The following CIITA variants were observed in gnomAD, a reference collection of about 807,000 sequenced individuals.
The protein encoded by CIITA is class II major histocompatibility complex transactivator, also known as MHC class II transactivator.
Under a neutral mutation model 115.1 loss-of-function variants are expected in CIITA, and 72 were observed. The observed-to-expected ratio is 0.63, with a 90% confidence interval of 0.52 to 0.76. CIITA has a LOEUF of 0.76. Ranked by LOEUF, CIITA falls within the 30% of genes least tolerant of loss-of-function variation. The pLI is 0.00. For synonymous variants in CIITA, 763 were observed against 635.6 expected (o/e 1.20, Z -3.02); for missense variants, 1,617 against 1,463.8 (o/e 1.10, Z -1.71).
intron 3 of CIITA, 36 bp downstream of exon 3, chr16:10,895,800 A>T: frequency 6.2e-7 from 1 of 1,600,598 alleles, no homozygotes; most frequent in Non-Finnish European, 8.6e-7. Flanking sequence ...AGGACAATCA[A>T]GGGCAAGAGT....
chr16:10,921,708 C>T (rs917820261), intron 16 of CIITA, among the ~76,000 whole-genome samples: 1 of 152,202 alleles, frequency 6.6e-6, no homozygotes, highest in Non-Finnish European at 1.5e-5. Flanking sequence ...CAAGAAATGA[C>T]TTCCTTTTAG....
intron 1 of CIITA, among the ~76,000 whole-genome samples, chr16:10,880,140 G>C (rs919106473): frequency 6.6e-6 from 1 of 152,222 alleles, no homozygotes; most frequent in Non-Finnish European, 1.5e-5. Flanking sequence ...GCTCCCTTAG[G>C]GGATGACCTG....
At chr16:10,905,666 G>T (rs1276793796) in intron 10 of CIITA, among the ~76,000 whole-genome samples, 8 of 152,042 alleles carry the variant, frequency 5.3e-5, no homozygotes, top group Non-Finnish European at 7.4e-5. Flanking sequence ...GCAGGCCGAG[G>T]CAGGAGAATC....
intron 16 of CIITA, among the ~76,000 whole-genome samples, chr16:10,921,627 A>G (rs1459543894): frequency 6.6e-6 from 1 of 152,260 alleles, no homozygotes; most frequent in Non-Finnish European, 1.5e-5. Context: ...GCCCAAGGTC[A>G]CATAGGCAGT....
rs143152117 is a variant in CIITA at position 10,872,184 on chromosome 16, G to A, written c.-21+5865G>A. 4.6e-4 allele frequency among the ~76,000 whole-genome samples: 70 copies of A among 151,952 alleles called. No individual in the cohort carries two copies. In the East Asian group the frequency reaches 0.012, roughly 26 times the overall value. ...GTAGCCCAGGCTGGAATGCAGTGGC[G>A]TGATCTCAGCTCATTATAACCTCTG... On this transcript the variant is annotated intron_variant, in intron 1 of 5. Coordinates refer to the CIITA transcript ENST00000636238.
chr16:10,899,409 A>G (rs1285488570), intron 5 of CIITA, among the ~76,000 whole-genome samples: 1 of 97,548 alleles, frequency 1.0e-5, no homozygotes, highest in Non-Finnish European at 3.1e-5. Context: ...GTGTTGGCTA[A>G]ACTGTCACCT....
At chr16:10,922,661 A>C (rs773126370) in intron 18 of CIITA, among the ~76,000 whole-genome samples, 171 bp downstream of exon 18, 1 of 152,230 alleles carries the variant, frequency 6.6e-6, no homozygotes, top group Non-Finnish European at 1.5e-5. Flanking sequence ...GGGGACAGTA[A>C]TAATATCCAC....
At chr16:10,903,112 T>A (rs1420318727) in intron 8 of CIITA, among the ~76,000 whole-genome samples, 2 of 152,250 alleles carry the variant, frequency 1.3e-5, no homozygotes, top group Non-Finnish European at 2.9e-5. Flanking sequence ...CATCAATACA[T>A]GCTCACTAAT....
At chr16:10,899,915 AC>A (rs1486205149) in intron 5 of CIITA, among the ~76,000 whole-genome samples, 20 of 151,948 alleles carry the variant, frequency 1.3e-4, no homozygotes, top group Non-Finnish European at 2.4e-4. Context: ...CCGCGTCTCT[AC>A]CAAAAAATAC....
Position 10,901,710 on chromosome 16 carries a change from AG to A in CIITA, c.481+153del, listed in dbSNP as rs1247047264. On this transcript the variant is annotated intron_variant, in intron 6 of 19. Transcript: ENST00000324288. The surrounding 1 kb of genome is among the most constrained non-coding windows in gnomAD (Gnocchi z 6.8). ...AGAGGCTGAGAGCTTGGGGTCCCTT[AG>A]AGTCCTCTAAGGGGCTCACGACTGT... 4 of 836,706 alleles carry A rather than the reference AG, an allele frequency of 4.8e-6. No homozygotes were observed. The highest frequency in any genetic ancestry group is 4.5e-5 in the South Asian group (3 of 66,598). 51.8% of individuals were successfully genotyped at this position (836,706 alleles called of 1,614,324 possible). A position where few individuals can be genotyped will look rare whatever the true frequency, so the allele number is the denominator to read the frequency against.
At chr16:10,910,375 C>T in intron 13 of CIITA, 116 bp downstream of exon 13, 1 of 918,542 alleles carries the variant, frequency 1.1e-6, no homozygotes, top group Non-Finnish European at 1.7e-6. Context: ...ACCCTCTTGC[C>T]CACCACTTTG....
At chr16:10,874,221 T>C (rs1035952114), upstream of CIITA, among the ~76,000 whole-genome samples, 2 of 152,050 alleles carry the variant, frequency 1.3e-5, no homozygotes, top group Non-Finnish European at 2.9e-5. Context: ...TGACCTCAGG[T>C]GATCCGCCCG....
chr16:10,899,936 C>A (rs1241060556), intron 5 of CIITA, among the ~76,000 whole-genome samples: 1 of 152,054 alleles, frequency 6.6e-6, no homozygotes, highest in Non-Finnish European at 1.5e-5. Flanking sequence ...CAAAAATTAG[C>A]CGGGTGTGGT....
intron 1 of CIITA, among the ~76,000 whole-genome samples, chr16:10,882,960 T>C (rs538989495): frequency 3.0e-4 from 46 of 152,282 alleles, no homozygotes; most frequent in African/African-American, 7.5e-4. Flanking sequence ...ATAGAATCAC[T>C]GGGGGTGAGG....
rs2036155386 is a variant in CIITA, at chr16:10,879,213, T to G, written c.52+1831T>G. 6.6e-6 allele frequency among the ~76,000 whole-genome samples: 1 copy of G among 152,148 alleles called. No homozygotes were observed. Among genetic ancestry groups the G allele is most frequent in the Non-Finnish European group, 1.5e-5 (1 of 68,020 alleles). ...TCGTTTCCAGCATCCCCGCAACGAC[T>G]CTGCGCGGGAACCAGGAGCCGGGAA... On this transcript the variant is annotated intron_variant, in intron 1 of 19. Coordinates refer to ENST00000324288, the MANE Select transcript of CIITA (RefSeq NM_000246.4). The surrounding 1 kb of genome is among the most constrained non-coding windows in gnomAD (Gnocchi z 4.3).
intron 10 of CIITA, 73 bp downstream of exon 10, chr16:10,904,885 C>A (rs2039033608): frequency 6.9e-7 from 1 of 1,454,140 alleles, no homozygotes; most frequent in South Asian, 1.1e-5. Context: ...ATTGCTCATT[C>A]ACTTGACACT....
At position 10,941,915 on chromosome 16, in the gene CIITA, C is replaced by G. The variant is rs868244182; in HGVS notation, n.1041C>G. On this transcript the variant is annotated non_coding_transcript_exon_variant, in exon 2 of 2. Transcript: ENST00000573379. The surrounding 1 kb of genome is among the most constrained non-coding windows in gnomAD (Gnocchi z 6.4). ...AGCACATTGACGAAGAACAGGCCCA[C>G]GTAGAACATAGAGGGCAGCAGCGGC... The G allele has an allele frequency of 2.5e-6, 4 of 1,606,222 alleles. No individual in the cohort carries two copies. The South Asian group carries it at 3.3e-5, about 13-fold the overall frequency.
rs908059137 is a variant in CIITA at position 10,895,721 on chromosome 16, C to T, written c.252C>T (p.Asp84=). ...NCDQFSRLLC[D]MEGDEETREA... ...ACCAGTTCAGCAGGCTGTTGTGTGACATGGAAGGTGATGAAGAGACCAGGG... is the reference window on the plus strand; with the variant it reads ...ACCAGTTCAGCAGGCTGTTGTGTGATATGGAAGGTGATGAAGAGACCAGGG... Residue 84 remains aspartate (D), a synonymous_variant, in exon 3 of 20, where the codon GAC becomes GAT. Coordinates refer to ENST00000324288, the MANE Select transcript of CIITA (RefSeq NM_000246.4). 1.2e-6 allele frequency: 2 copies of T among 1,614,158 alleles called. No homozygotes were observed. The highest frequency in any genetic ancestry group is 1.1e-5 in the South Asian group (1 of 91,074).
intron 10 of CIITA, among the ~76,000 whole-genome samples, 173 bp downstream of exon 10, chr16:10,904,985 A>T (rs2039040286): frequency 6.6e-6 from 1 of 152,112 alleles, no homozygotes; most frequent in African/African-American, 2.4e-5. Flanking sequence ...TCATTTCACC[A>T]TTCACTCCAC....
Sources: gnomAD v4.1 joint callset for allele counts (sites outside exome capture counted in the v4.1 genomes callset) on GRCh38, gnomAD v4.1.1 for gene constraint, Gnocchi (gnomAD v3.1) non-coding constraint, MANE v1.5 for transcripts, NCBI Gene and HGNC (gene_info 2026-07-23, HGNC 2026-07-21) for gene names.